SGCZ: variants seen among roughly 807,000 people sequenced by gnomAD.
The protein encoded by SGCZ is sarcoglycan zeta, also known as zeta-sarcoglycan.
A neutral mutation model predicts 41.3 loss-of-function variants in SGCZ; 40 were observed. That is an observed-to-expected ratio of 0.97 (90% CI 0.75 to 1.26). The LOEUF (loss-of-function observed/expected upper bound fraction) is 1.26, where lower values mean the gene tolerates loss of function less well. SGCZ is among the 50% of genes most tolerant of loss of function. SGCZ has a pLI of 0.00. For synonymous variants in SGCZ, 206 were observed against 137.5 expected, an observed-to-expected ratio of 1.50 and a Z score of -3.49; for missense variants, 552 against 369.8, an observed-to-expected ratio of 1.49 and a Z score of -4.04.
chr8:14,680,964 G>T (rs11780885), intron 1 of SGCZ, among the ~76,000 whole-genome samples: 3 of 117,938 alleles, frequency 2.5e-5, no homozygotes, highest in African/African-American at 9.6e-5. Flanking sequence ...AAAAGAGTGG[G>T]AAAAAAAAAA....
chr8:14,790,042 A>C (rs1429363116), intron 1 of SGCZ, among the ~76,000 whole-genome samples: 1 of 152,214 alleles, frequency 6.6e-6, no homozygotes, highest in Admixed American at 6.5e-5. Flanking sequence ...TTAAATCTTC[A>C]GTGGTCATAT....
At position 14,268,366 on chromosome 8, in the gene SGCZ, T is replaced by C. The variant is rs533606991; in HGVS notation, c.337-30687A>G. Among the ~76,000 whole-genome samples, 440 of 150,986 alleles carry C rather than the reference T, an allele frequency of 2.9e-3. 5 individuals carry two copies. Among genetic ancestry groups the C allele is most frequent in the African/African-American group, 0.01 (421 of 41,368 alleles). ...TTAAAAATATATATGTGTATATATA[T>C]ATATTCTCTGCAGTGTCTTTAACAT... is the stretch of plus-strand genomic sequence containing the variant. On this transcript the variant is annotated intron_variant, in intron 3 of 7. Transcript: ENST00000382080.
chr8:14,423,376 T>C (rs10086634), intron 2 of SGCZ, among the ~76,000 whole-genome samples: 2 of 152,214 alleles, frequency 1.3e-5, no homozygotes, highest in East Asian at 3.9e-4. Context: ...TCTTATCCAT[T>C]AAAAAATAAA....
intron 1 of SGCZ, among the ~76,000 whole-genome samples, chr8:15,120,770 C>A (rs1388380205): frequency 6.6e-6 from 1 of 152,094 alleles, no homozygotes; most frequent in Non-Finnish European, 1.5e-5. Context: ...TTTCAAAGGA[C>A]CATTTTGTTG....
intron 1 of SGCZ, among the ~76,000 whole-genome samples, chr8:14,950,704 T>G (rs1800602732): frequency 6.6e-6 from 1 of 151,956 alleles, no homozygotes; most frequent in Non-Finnish European, 1.5e-5. Flanking sequence ...TTGAGAAATG[T>G]GAATGTGGTG....
chr8:15,164,001 A>T (rs1356332278), intron 1 of SGCZ, among the ~76,000 whole-genome samples: 1 of 152,222 alleles, frequency 6.6e-6, no homozygotes, highest in Non-Finnish European at 1.5e-5. Flanking sequence ...GGAACCTGGC[A>T]TTCCAATGGC....
At chr8:14,171,114 A>G (rs1313792158) in intron 4 of SGCZ, among the ~76,000 whole-genome samples, 5 of 149,466 alleles carry the variant, frequency 3.3e-5, no homozygotes, top group Middle Eastern at 3.2e-3. Context: ...TTTGCATTGC[A>G]TCTTGTTACT....
intron 1 of SGCZ, among the ~76,000 whole-genome samples, chr8:14,956,984 C>T (rs1419868316): frequency 6.6e-6 from 1 of 152,084 alleles, no homozygotes; most frequent in African/African-American, 2.4e-5. Context: ...CACACACTCA[C>T]ACATACACAC....
intron 2 of SGCZ, among the ~76,000 whole-genome samples, chr8:14,532,454 G>C (rs927961226): frequency 2.6e-5 from 4 of 151,972 alleles, no homozygotes; most frequent in East Asian, 3.9e-4. Flanking sequence ...ATAAATGAAA[G>C]AGACAGACAC....
intron 2 of SGCZ, among the ~76,000 whole-genome samples, chr8:14,443,205 G>A (rs1188123826): frequency 1.3e-5 from 2 of 152,048 alleles, no homozygotes; most frequent in Non-Finnish European, 2.9e-5. Context: ...TGGGTAGGAA[G>A]AATCAATATT....
chr8:14,170,414 C>T (rs1235525904), intron 4 of SGCZ, among the ~76,000 whole-genome samples: 1 of 151,838 alleles, frequency 6.6e-6, no homozygotes, highest in East Asian at 1.9e-4. Context: ...TCTTTTTATT[C>T]CTAAAATAAT....
At chr8:14,655,038 A>C (rs1807519524) in intron 1 of SGCZ, among the ~76,000 whole-genome samples, 1 of 152,070 alleles carries the variant, frequency 6.6e-6, no homozygotes, top group Non-Finnish European at 1.5e-5. Flanking sequence ...ATAATACCTT[A>C]CATTTTTTTC....
intron 2 of SGCZ, among the ~76,000 whole-genome samples, chr8:14,342,435 G>C (rs1802742820): frequency 6.6e-6 from 1 of 152,064 alleles, no homozygotes; most frequent in South Asian, 2.1e-4. Flanking sequence ...TCCTGCCTCA[G>C]CCTCCCAGTA....
chr8:15,130,041 C>T (rs549778420), intron 1 of SGCZ, among the ~76,000 whole-genome samples: 130 of 152,234 alleles, frequency 8.5e-4, no homozygotes, highest in Non-Finnish European at 1.3e-3. Context: ...TTGTTCTTTT[C>T]TCTCTTCTAA....
At chr8:15,153,662 C>G (rs367993731) in intron 1 of SGCZ, among the ~76,000 whole-genome samples, 9 of 152,006 alleles carry the variant, frequency 5.9e-5, no homozygotes, top group African/African-American at 1.9e-4. Flanking sequence ...GGCACTTTCC[C>G]CCCACCCTCT....
At chr8:14,292,335 C>T (rs922865979) in intron 3 of SGCZ, among the ~76,000 whole-genome samples, 1 of 151,926 alleles carries the variant, frequency 6.6e-6, no homozygotes. Context: ...GTGAAAACAG[C>T]CTAGGAAAGT....
chr8:15,214,624 C>G (rs145101351), intron 1 of SGCZ, among the ~76,000 whole-genome samples: 1 of 152,094 alleles, frequency 6.6e-6, no homozygotes, highest in Non-Finnish European at 1.5e-5. Flanking sequence ...TCTTCCTGTG[C>G]AATCTCAGGC....
At position 14,379,198 on chromosome 8, in the gene SGCZ, A is replaced by G. The variant is rs1323132781; in HGVS notation, c.235-54994T>C. 2.6e-5 allele frequency among the ~76,000 whole-genome samples: 4 copies of G among 152,206 alleles called. No individual in the cohort carries two copies. In the East Asian group the frequency reaches 7.7e-4, roughly 29 times the overall value. Reference sequence around the variant, plus strand: ...ATTAACCAATTTTTATTTGCTGAAGATATTATTATATACCTAGGAAACCCA... The same window carrying G: ...ATTAACCAATTTTTATTTGCTGAAGGTATTATTATATACCTAGGAAACCCA... On this transcript the variant is annotated intron_variant, in intron 2 of 7. Transcript: ENST00000382080.
chr8:14,500,033 C>A (rs1264997883), intron 2 of SGCZ, among the ~76,000 whole-genome samples: 1 of 151,964 alleles, frequency 6.6e-6, no homozygotes, highest in Non-Finnish European at 1.5e-5. Context: ...ATTACAATTG[C>A]CTCTAGTTTA....
Sources: gnomAD v4.1 joint callset for allele counts (sites outside exome capture counted in the v4.1 genomes callset) on GRCh38, gnomAD v4.1.1 for gene constraint, MANE v1.5 for transcripts, NCBI Gene and HGNC (gene_info 2026-07-23, HGNC 2026-07-21) for gene names.